Variants in CNPY1 observed in about 807,000 individuals in gnomAD.
CNPY1 encodes the protein protein canopy homolog 1.
Under a neutral mutation model 14.4 loss-of-function variants are expected in CNPY1, and 14 were observed. That is an observed-to-expected ratio of 0.97 (90% CI 0.64 to 1.52). The LOEUF (loss-of-function observed/expected upper bound fraction) is 1.52. CNPY1 is among the 40% of genes most tolerant of loss of function. The probability of loss-of-function intolerance (pLI) is 0.00; values close to 1 mark genes in which losing one functional copy is unlikely to be tolerated. For missense variants in CNPY1, 129 were observed against 131.5 expected, an observed-to-expected ratio of 0.98 and a Z score of 0.09; for synonymous variants, 43 against 46.5, an observed-to-expected ratio of 0.92 and a Z score of 0.31.
intron 4 of CNPY1, among the ~76,000 whole-genome samples, chr7:155,505,857 A>G (rs1796287664): frequency 6.6e-6 from 1 of 152,150 alleles, no homozygotes; most frequent in African/African-American, 2.4e-5. Flanking sequence ...AATACCCCAA[A>G]TGCCTGAATA....
At chr7:155,523,670 G>T (rs1796767509) in intron 2 of CNPY1, among the ~76,000 whole-genome samples, 1 of 152,334 alleles carries the variant, frequency 6.6e-6, no homozygotes, top group South Asian at 2.1e-4. Context: ...GACTTGGATA[G>T]TGGAGAGTGC....
At chr7:155,505,122 C>A (rs1180404650) in intron 4 of CNPY1, among the ~76,000 whole-genome samples, 1 of 152,094 alleles carries the variant, frequency 6.6e-6, no homozygotes, top group Non-Finnish European at 1.5e-5. Context: ...TGGGAGAAGT[C>A]CAGTCTCTCT....
intron 2 of CNPY1, among the ~76,000 whole-genome samples, chr7:155,524,561 G>T (rs953166829): frequency 6.6e-6 from 1 of 152,194 alleles, no homozygotes; most frequent in African/African-American, 2.4e-5. Flanking sequence ...AGGGATCCAG[G>T]TTGTGGGCTC....
chr7:155,522,953 G>A (rs1360717657), intron 2 of CNPY1, among the ~76,000 whole-genome samples: 1 of 152,238 alleles, frequency 6.6e-6, no homozygotes, highest in Non-Finnish European at 1.5e-5. Context: ...TATGGGAGCT[G>A]CACGGTGCCC....
rs1460816629 is a variant in CNPY1 at position 155,502,833 on chromosome 7, T to C, written c.*235A>G. ...TATTGTCAAGCTTGATTTATCAAAA[T>C]CTGCAAAGGTTAATTTAAGTTTCAT... On this transcript the variant is annotated 3_prime_UTR_variant, in exon 5 of 5. Coordinates refer to ENST00000636446, the MANE Select transcript of CNPY1 (RefSeq NM_001393663.1). 1.0e-5 allele frequency: 5 copies of C among 502,472 alleles called. No homozygotes were observed. Among genetic ancestry groups the C allele is most frequent in the African/African-American group, 9.6e-5 (5 of 52,326 alleles). 31.1% of individuals were successfully genotyped at this position (502,472 alleles called of 1,614,324 possible).
rs1259116804 is a variant in CNPY1, at chr7:155,502,325, G to A, written c.*743C>T. On this transcript the variant is annotated 3_prime_UTR_variant, in exon 5 of 5. Transcript: ENST00000636446. ...AAACGTTTAGAAGAAAAACAAACAA[G>A]CCAGAAGAGTTTGGAGCGAAACAAA... 1.3e-5 allele frequency: 2 copies of A among 151,882 alleles called. No homozygotes were observed. Among genetic ancestry groups the A allele is most frequent in the African/African-American group, 2.4e-5 (1 of 41,362 alleles). 9.4% of individuals were successfully genotyped at this position (151,882 alleles called of 1,614,324 possible).
chr7:155,506,576 CAAA>C, intron 4 of CNPY1: 1 of 118,910 alleles, frequency 8.4e-6, no homozygotes, highest in Non-Finnish European at 1.5e-5. Context: ...AACAAACAAA[CAAA>C]AAAACTTTAG....
chr7:155,507,471 TAAA>T (rs35711313), intron 3 of CNPY1, among the ~76,000 whole-genome samples: 11 of 54,158 alleles, frequency 2.0e-4, no homozygotes, highest in African/African-American at 5.0e-4. Flanking sequence ...GTTTTTAAAC[TAAA>T]AAAAAAAAAA....
At chr7:155,534,333 GCA>G (rs1022140737) in intron 2 of CNPY1, among the ~76,000 whole-genome samples, 23 of 78,962 alleles carry the variant, frequency 2.9e-4, no homozygotes, top group South Asian at 9.4e-4. Context: ...ACACACACGT[GCA>G]CAGAGGCACA....
At chr7:155,538,652 C>A (rs1456828675) in intron 2 of CNPY1, among the ~76,000 whole-genome samples, 2 of 152,184 alleles carry the variant, frequency 1.3e-5, no homozygotes, top group Admixed American at 6.5e-5. Flanking sequence ...CCTCCTGACC[C>A]ATGAGATATG....
chr7:155,527,030 TTTTCTTTC>T (rs1554449557), intron 2 of CNPY1, among the ~76,000 whole-genome samples: 11 of 83,272 alleles, frequency 1.3e-4, no homozygotes, highest in African/African-American at 4.6e-4. Flanking sequence ...TTCTTTTCTT[TTTTCTTTC>T]TTTCTTTCTT....
chr7:155,509,192 T>C, intron 2 of CNPY1, 95 bp from the exon 3 acceptor site: 1 of 661,496 alleles, frequency 1.5e-6, no homozygotes, highest in Non-Finnish European at 2.5e-6. Context: ...ACACTCTCCC[T>C]GAATGCAAAC....
At chr7:155,521,060 AAG>A (rs1796713319) in intron 2 of CNPY1, among the ~76,000 whole-genome samples, 14 of 113,416 alleles carry the variant, frequency 1.2e-4, no homozygotes, top group Non-Finnish European at 2.1e-4. Flanking sequence ...AGAAAGAAGG[AAG>A]GAAGGAAGGA....
At chr7:155,509,904 C>T (rs1485908444) in intron 2 of CNPY1, among the ~76,000 whole-genome samples, 1 of 152,192 alleles carries the variant, frequency 6.6e-6, no homozygotes, top group South Asian at 2.1e-4. Context: ...GGAGACAAAA[C>T]GTTCGGGGCC....
chr7:155,523,573 C>T (rs1164075497), intron 2 of CNPY1, among the ~76,000 whole-genome samples: 1 of 152,140 alleles, frequency 6.6e-6, no homozygotes, highest in South Asian at 2.1e-4. Flanking sequence ...CGGAGCAACA[C>T]GGGGGCTGGG....
chr7:155,509,538 G>T (rs1796456741), intron 2 of CNPY1, among the ~76,000 whole-genome samples: 2 of 151,164 alleles, frequency 1.3e-5, no homozygotes, highest in African/African-American at 4.9e-5. Context: ...GAGAGGGAGG[G>T]AGAGAGAGCG....
At chr7:155,508,862 C>T (rs78781254) in intron 3 of CNPY1, 32 bp downstream of exon 3, 26,909 of 1,608,500 alleles carry the variant, frequency 0.017, 357 homozygotes, top group Non-Finnish European at 0.018. Context: ...GTTTCTGGAT[C>T]ATACGATTCA....
intron 2 of CNPY1, among the ~76,000 whole-genome samples, chr7:155,524,645 GA>G (rs1670260476): frequency 6.6e-6 from 1 of 152,208 alleles, no homozygotes; most frequent in South Asian, 2.1e-4. Context: ...CTAATTGTAG[GA>G]AAACAAGCTC....
chr7:155,527,054 C>CTTTT (rs764084944), intron 2 of CNPY1, among the ~76,000 whole-genome samples: 19 of 90,358 alleles, frequency 2.1e-4, no homozygotes, highest in African/African-American at 6.6e-4. Context: ...TTCTTTCTTT[C>CTTTT]TTTTTTTTTT....
Sources: allele counts gnomAD v4.1 joint callset (sites outside exome capture counted in the v4.1 genomes callset), GRCh38; gene constraint gnomAD v4.1.1; transcripts MANE v1.5; gene names NCBI Gene and HGNC (gene_info 2026-07-23, HGNC 2026-07-21).